The following CLMP variants were observed in gnomAD, a reference collection of about 807,000 sequenced individuals.
CLMP encodes the protein CXADR-like membrane protein.
In CLMP, 27 loss-of-function variants were observed where a neutral mutation model predicts 45.2. The observed-to-expected ratio is 0.60, with a 90% confidence interval of 0.44 to 0.82. The LOEUF (loss-of-function observed/expected upper bound fraction) is 0.82. Among genes scored for constraint, CLMP ranks in the 40% least tolerant of loss-of-function variants. The pLI is 0.00. For missense variants in CLMP, 403 were observed against 448.4 expected, an observed-to-expected ratio of 0.90 and a Z score of 0.91; for synonymous variants, 167 against 171.4, an observed-to-expected ratio of 0.97 and a Z score of 0.20.
In CLMP at chr11:123,097,954, T is replaced by C. The variant is rs879253855; in HGVS notation, c.29-2A>G. The C allele has an allele frequency of 6.5e-7, 1 of 1,542,216 alleles. No homozygotes were observed. Among genetic ancestry groups the C allele is most frequent in the Non-Finnish European group, 8.8e-7 (1 of 1,142,290 alleles). On this transcript the variant is annotated splice_acceptor_variant, in intron 1 of 6. Coordinates refer to ENST00000448775, the MANE Select transcript of CLMP (RefSeq NM_024769.5). LOFTEE classifies it high-confidence loss of function. The stretch of plus-strand genomic sequence containing the variant: ...CCAAGGTTCCAACATAGTAGGAAAC[T>C]GGAAGAGGAAAATCTTTAATGAGTA...
At chr11:123,097,451 C>T (rs113712713) in intron 2 of CLMP, among the ~76,000 whole-genome samples, 10,853 of 152,114 alleles carry the variant, frequency 0.071, 477 homozygotes, top group East Asian at 0.15. Flanking sequence ...AATTCTCCTG[C>T]CTCAGCCTCC....
chr11:123,193,919 A>G (rs997302940), intron 1 of CLMP, among the ~76,000 whole-genome samples: 3 of 152,110 alleles, frequency 2.0e-5, no homozygotes, highest in Admixed American at 2.0e-4. Context: ...CTCACTCTTG[A>G]CCACTGGCTG....
rs1565381385 is a variant in CLMP at position 123,097,848 on chromosome 11, CTT to C, written c.131_132del (p.Lys44ArgfsTer6). 1 of 1,610,710 alleles carries C rather than the reference CTT, an allele frequency of 6.2e-7. No individual in the cohort carries two copies. The highest frequency in any genetic ancestry group is 1.7e-5 in the Admixed American group (1 of 59,520). ...PCHHQLGLPE[K>X]DTLDIEWLLT... Reference sequence around the variant, plus strand: ...AGCAGCCATTCAATATCCAGAGTGTCTTTTTCTGGAAGCCCCAGTTGATGGTG... The same window carrying C: ...AGCAGCCATTCAATATCCAGAGTGTCTTTCTGGAAGCCCCAGTTGATGGTG... On this transcript the variant is annotated frameshift_variant, in exon 2 of 7. Coordinates refer to ENST00000448775, the MANE Select transcript of CLMP (RefSeq NM_024769.5). LOFTEE classifies it high-confidence loss of function.
intron 1 of CLMP, among the ~76,000 whole-genome samples, chr11:123,126,009 C>T (rs1860889664): frequency 6.6e-6 from 1 of 152,164 alleles, no homozygotes; most frequent in African/African-American, 2.4e-5. Flanking sequence ...ACTTCTTAGC[C>T]ACACCCACCA....
intron 1 of CLMP, among the ~76,000 whole-genome samples, chr11:123,149,087 G>A (rs527639916): frequency 6.6e-6 from 1 of 152,310 alleles, no homozygotes; most frequent in South Asian, 2.1e-4. Flanking sequence ...AAATATCAAA[G>A]GCCCTGAATT....
intron 2 of CLMP, among the ~76,000 whole-genome samples, chr11:123,096,979 G>A (rs1256525069): frequency 1.3e-5 from 2 of 151,840 alleles, no homozygotes; most frequent in Non-Finnish European, 2.9e-5. Flanking sequence ...CTCGTGAGAA[G>A]CTGGGACTAT....
chr11:123,148,404 T>C (rs1215962339), intron 1 of CLMP, among the ~76,000 whole-genome samples: 1 of 152,212 alleles, frequency 6.6e-6, no homozygotes, highest in Non-Finnish European at 1.5e-5. Flanking sequence ...AGCATAGAGC[T>C]TAGCATGCAA....
intron 5 of CLMP, among the ~76,000 whole-genome samples, chr11:123,079,095 C>T (rs1378174898): frequency 6.6e-6 from 1 of 152,082 alleles, no homozygotes; most frequent in Non-Finnish European, 1.5e-5. Context: ...GGTTCTTAAT[C>T]ATGATACTGG....
intron 1 of CLMP, among the ~76,000 whole-genome samples, chr11:123,190,897 G>T (rs10790561): frequency 6.6e-6 from 1 of 152,080 alleles, no homozygotes. Flanking sequence ...TGGAATTCGG[G>T]TTCCAGTCTT....
intron 1 of CLMP, among the ~76,000 whole-genome samples, chr11:123,147,134 C>G (rs1038628401): frequency 1.6e-4 from 24 of 152,214 alleles, no homozygotes; most frequent in African/African-American, 5.8e-4. Flanking sequence ...CTAAAAATGT[C>G]ATTTTTTTTC....
At chr11:123,140,323 T>C (rs1018816223) in intron 1 of CLMP, among the ~76,000 whole-genome samples, 2 of 152,200 alleles carry the variant, frequency 1.3e-5, no homozygotes, top group African/African-American at 4.8e-5. Context: ...AAGGTAATTT[T>C]GTCGCGGTCT....
chr11:123,179,189 G>C (rs1477630372), intron 1 of CLMP, among the ~76,000 whole-genome samples: 12 of 152,180 alleles, frequency 7.9e-5, no homozygotes, highest in Non-Finnish European at 1.8e-4. Context: ...GGTGGAAGAT[G>C]CCAGGAAGGG....
At position 123,079,446 on chromosome 11, in the gene CLMP, T is replaced by TTTTTG. The variant is rs558983396; in HGVS notation, c.679+3634_679+3638dup. ...TTTTCCTGAAAACTGCCTGTTACTT[T>TTTTTG]TTTTGTTTTGTTTTGTTTTGTTTTT... On this transcript the variant is annotated intron_variant, in intron 5 of 6. Transcript: ENST00000448775. Among the ~76,000 whole-genome samples, 57 of 152,256 alleles carry TTTTTG rather than the reference T, an allele frequency of 3.7e-4. 1 individual carries two copies. The highest frequency in any genetic ancestry group is 1.3e-3 in the African/African-American group (52 of 41,552).
chr11:123,073,383 G>C lies in CLMP; in HGVS notation c.*91C>G, dbSNP rs1244623380. On this transcript the variant is annotated 3_prime_UTR_variant, in exon 7 of 7. Coordinates refer to ENST00000448775, the MANE Select transcript of CLMP (RefSeq NM_024769.5). ...CTGCTACTTAGATGACCTCTCATCT[G>C]GTTGTGTGGCTGGTGACTTGAGCTC... 8.6e-6 allele frequency: 12 copies of C among 1,400,148 alleles called. No individual in the cohort carries two copies. In the East Asian group the frequency reaches 2.8e-4, roughly 32 times the overall value. The allele number at this position is 1,400,148 out of a possible 1,614,324, so 86.7% of individuals were successfully genotyped here. A position where few individuals can be genotyped will look rare whatever the true frequency, so the allele number is the denominator to read the frequency against.
intron 1 of CLMP, among the ~76,000 whole-genome samples, chr11:123,117,014 C>G (rs1860729783): frequency 6.6e-6 from 1 of 152,078 alleles, no homozygotes; most frequent in Non-Finnish European, 1.5e-5. Flanking sequence ...TTTGGGAGGC[C>G]AAGGCGAGTG....
chr11:123,097,498 C>T (rs921191569), intron 2 of CLMP, among the ~76,000 whole-genome samples: 7 of 152,004 alleles, frequency 4.6e-5, no homozygotes, highest in African/African-American at 7.2e-5. Context: ...CCACCACACC[C>T]GGCTATTATT....
chr11:123,081,600 G>A (rs1328389645), intron 5 of CLMP, among the ~76,000 whole-genome samples: 5 of 152,174 alleles, frequency 3.3e-5, no homozygotes, highest in Admixed American at 6.5e-5. Context: ...GCCAGGTGGC[G>A]TTGCGCATGC....
At chr11:123,119,906 C>G (rs963443678) in intron 1 of CLMP, among the ~76,000 whole-genome samples, 1 of 152,062 alleles carries the variant, frequency 6.6e-6, no homozygotes, top group Non-Finnish European at 1.5e-5. Context: ...AGGCTGGTCT[C>G]GAACTCCTGA....
intron 5 of CLMP, among the ~76,000 whole-genome samples, chr11:123,080,468 C>T (rs1243129588): frequency 2.0e-5 from 3 of 151,986 alleles, no homozygotes; most frequent in Admixed American, 1.3e-4. Flanking sequence ...GCTGGGATTA[C>T]GGGCATGTGC....
Sources: allele counts gnomAD v4.1 joint callset (sites outside exome capture counted in the v4.1 genomes callset), GRCh38; gene constraint gnomAD v4.1.1; transcripts MANE v1.5; gene names NCBI Gene and HGNC (gene_info 2026-07-23, HGNC 2026-07-21).